The following HPCAL1 variants were observed in gnomAD, a reference collection of about 807,000 sequenced individuals.
HPCAL1 encodes hippocalcin-like protein 1.
Under a neutral mutation model 17.1 loss-of-function variants are expected in HPCAL1, and 8 were observed. That is an observed-to-expected ratio of 0.47 (90% CI 0.27 to 0.84). The LOEUF is 0.84. Among genes scored for constraint, HPCAL1 ranks in the 40% least tolerant of loss-of-function variants. The probability of loss-of-function intolerance (pLI) is 0.13; values close to 1 mark genes in which losing one functional copy is unlikely to be tolerated. For missense variants in HPCAL1, 165 were observed against 271.1 expected, an observed-to-expected ratio of 0.61 and a Z score of 2.75; for synonymous variants, 112 against 111.4, an observed-to-expected ratio of 1.01 and a Z score of -0.03.
chr2:10,399,875 C>T (rs1669485109), intron 2 of HPCAL1, among the ~76,000 whole-genome samples: 2 of 152,296 alleles, frequency 1.3e-5, no homozygotes, highest in East Asian at 3.9e-4. Flanking sequence ...TCATGGAGCA[C>T]GTACCCTGTG....
intron 2 of HPCAL1, among the ~76,000 whole-genome samples, chr2:10,399,543 A>G (rs1468008664): frequency 1.1e-4 from 11 of 99,492 alleles, no homozygotes; most frequent in Middle Eastern, 5.6e-3. Flanking sequence ...CACCGCCACC[A>G]TCACCGCCAC....
chr2:10,322,513 A>T (rs1054902048), intron 1 of HPCAL1, among the ~76,000 whole-genome samples: 4 of 152,248 alleles, frequency 2.6e-5, no homozygotes, highest in African/African-American at 9.6e-5. Flanking sequence ...GCTGCCTCCC[A>T]ACCAGGGGGC....
chr2:10,374,985 G>A (rs1167252743), intron 1 of HPCAL1, among the ~76,000 whole-genome samples: 1 of 152,202 alleles, frequency 6.6e-6, no homozygotes, highest in Non-Finnish European at 1.5e-5. Flanking sequence ...AGAATTCCTT[G>A]GGCCAGCCGC....
chr2:10,383,387 G>T (rs761656954), intron 1 of HPCAL1, among the ~76,000 whole-genome samples: 2 of 151,330 alleles, frequency 1.3e-5, no homozygotes, highest in Non-Finnish European at 2.9e-5. Context: ...TTTTCAGACC[G>T]CATCTTGCTC....
intron 1 of HPCAL1, among the ~76,000 whole-genome samples, chr2:10,352,949 G>A (rs1391808121): frequency 6.6e-6 from 1 of 152,014 alleles, no homozygotes; most frequent in Admixed American, 6.5e-5. Flanking sequence ...GAATATTTTT[G>A]ACATGCTCTG....
At chr2:10,355,223 G>A (rs903768400) in intron 1 of HPCAL1, among the ~76,000 whole-genome samples, 19 of 151,838 alleles carry the variant, frequency 1.3e-4, no homozygotes, top group Admixed American at 3.3e-4. Flanking sequence ...AGGCCGAGGC[G>A]GGCGGATCAC....
chr2:10,358,190 C>T (rs371700042), intron 1 of HPCAL1, among the ~76,000 whole-genome samples: 9 of 152,180 alleles, frequency 5.9e-5, no homozygotes, highest in African/African-American at 1.9e-4. Flanking sequence ...GATAGATGTG[C>T]GGTAACATCA....
chr2:10,417,145 C>T (rs529088060), intron 2 of HPCAL1, among the ~76,000 whole-genome samples: 2 of 152,114 alleles, frequency 1.3e-5, no homozygotes, highest in East Asian at 3.9e-4. Flanking sequence ...GGTGGATCAC[C>T]TGAAGTCAGG....
At chr2:10,318,859 A>G (rs576781901) in intron 1 of HPCAL1, among the ~76,000 whole-genome samples, 1 of 151,962 alleles carries the variant, frequency 6.6e-6, no homozygotes, top group East Asian at 1.9e-4. Flanking sequence ...CTATCCTGCT[A>G]CCCTCCCTGA....
chr2:10,327,371 T>C (rs1425645338), intron 1 of HPCAL1, among the ~76,000 whole-genome samples: 1 of 152,200 alleles, frequency 6.6e-6, no homozygotes, highest in Non-Finnish European at 1.5e-5. Context: ...CAGTGACTTC[T>C]TTTGAGCCCC....
rs1429088543 is a variant in HPCAL1 at position 10,363,533 on chromosome 2, A to G, written c.-110-33302A>G. Among the ~76,000 whole-genome samples, 1 of 152,100 alleles carries G rather than the reference A, an allele frequency of 6.6e-6. No individual in the cohort carries two copies. The highest frequency in any genetic ancestry group is 2.4e-5 in the African/African-American group (1 of 41,398). ...TCTACACGTGGCGTTTCAGGTCTGG[A>G]GAGTCATGTGGTGTAGCTGTATTTC... On this transcript the variant is annotated intron_variant, in intron 1 of 4. Coordinates refer to ENST00000307845, the MANE Select transcript of HPCAL1 (RefSeq NM_002149.4). The surrounding 1 kb of genome is among the most constrained non-coding windows in gnomAD (Gnocchi z 4.7).
At chr2:10,399,516 G>GCCACCA (rs1252475997) in intron 2 of HPCAL1, among the ~76,000 whole-genome samples, 7 of 28,680 alleles carry the variant, frequency 2.4e-4, no homozygotes, top group African/African-American at 1.1e-3. Context: ...CACCACCGCC[G>GCCACCA]CCACCACCGC....
At chr2:10,407,067 T>C (rs1289551434) in intron 2 of HPCAL1, among the ~76,000 whole-genome samples, 1 of 151,918 alleles carries the variant, frequency 6.6e-6, no homozygotes, top group Non-Finnish European at 1.5e-5. Context: ...CACTGGAGAG[T>C]AGCAGGAAGT....
intron 1 of HPCAL1, among the ~76,000 whole-genome samples, chr2:10,340,548 G>A (rs1272825782): frequency 6.6e-5 from 10 of 152,334 alleles, no homozygotes; most frequent in Non-Finnish European, 1.2e-4. Context: ...AGGAGGGGGT[G>A]TCATACCTGT....
intron 1 of HPCAL1, among the ~76,000 whole-genome samples, chr2:10,374,996 A>C (rs1292807232): frequency 6.6e-6 from 1 of 152,182 alleles, no homozygotes; most frequent in Non-Finnish European, 1.5e-5. Flanking sequence ...GGCCAGCCGC[A>C]GAGGAGTAGG....
intron 4 of HPCAL1, 120 bp from the exon 5 acceptor site, chr2:10,426,604 A>C (rs1316178491): frequency 1.3e-6 from 1 of 790,810 alleles, no homozygotes; most frequent in Admixed American, 2.0e-5. Context: ...GTCCAGCTTC[A>C]AGAAGGCTCA....
intron 1 of HPCAL1, among the ~76,000 whole-genome samples, chr2:10,347,651 CA>C (rs1665555844): frequency 6.6e-6 from 1 of 152,176 alleles, no homozygotes; most frequent in Non-Finnish European, 1.5e-5. Context: ...TGCTGTTCCT[CA>C]CAGGTTTAAA....
At chr2:10,321,405 G>A (rs919943487) in intron 1 of HPCAL1, among the ~76,000 whole-genome samples, 2 of 152,056 alleles carry the variant, frequency 1.3e-5, no homozygotes, top group African/African-American at 4.8e-5. Flanking sequence ...CCGTATCAGT[G>A]AGAGATGCAG....
intron 1 of HPCAL1, among the ~76,000 whole-genome samples, chr2:10,335,809 A>G (rs1664679131): frequency 6.6e-6 from 1 of 152,098 alleles, no homozygotes; most frequent in Admixed American, 6.6e-5. Flanking sequence ...ACATCTGAAC[A>G]CTCTGATGGG....
Sources: gnomAD v4.1 joint callset for allele counts (sites outside exome capture counted in the v4.1 genomes callset) on GRCh38, gnomAD v4.1.1 for gene constraint, Gnocchi (gnomAD v3.1) non-coding constraint, MANE v1.5 for transcripts, NCBI Gene and HGNC (gene_info 2026-07-23, HGNC 2026-07-21) for gene names.